Variants in ARHGEF17 observed in about 807,000 individuals in gnomAD.
The protein encoded by ARHGEF17 is Rho guanine nucleotide exchange factor 17.
ARHGEF17 carries 80 observed loss-of-function variants against 174.0 expected under a neutral mutation model. The observed-to-expected ratio is 0.46, with a 90% CI of 0.38 to 0.55. The LOEUF is 0.55. Ranked by LOEUF, ARHGEF17 falls within the 20% of genes least tolerant of loss-of-function variation. The pLI, the probability that ARHGEF17 is intolerant of heterozygous loss-of-function variation, is 0.00. For synonymous variants in ARHGEF17, 1,311 were observed against 1,189.1 expected, an observed-to-expected ratio of 1.10 and a Z score of -2.11; for missense variants, 2,886 against 2,839.7, an observed-to-expected ratio of 1.02 and a Z score of -0.37.
intron 1 of ARHGEF17, among the ~76,000 whole-genome samples, chr11:73,338,724 G>A (rs1225932101): frequency 1.3e-5 from 2 of 151,970 alleles, no homozygotes; most frequent in Non-Finnish European, 2.9e-5. Context: ...ACCAGGCCAG[G>A]GGAGGTGGAG....
At chr11:73,343,153 T>C (rs1279386098) in intron 1 of ARHGEF17, 3 of 383,602 alleles carry the variant, frequency 7.8e-6, no homozygotes, top group Non-Finnish European at 1.4e-5. Flanking sequence ...ATGCTGCAGA[T>C]GGTGAAGACC....
At chr11:73,313,361 C>A (rs575710661) in intron 1 of ARHGEF17, among the ~76,000 whole-genome samples, 1 of 152,284 alleles carries the variant, frequency 6.6e-6, no homozygotes, top group East Asian at 1.9e-4. Context: ...GGGGTCTCCT[C>A]CCCAGCCTCC....
At chr11:73,324,519 G>A (rs1199821325) in intron 1 of ARHGEF17, among the ~76,000 whole-genome samples, 1 of 152,206 alleles carries the variant, frequency 6.6e-6, no homozygotes, top group Non-Finnish European at 1.5e-5. Flanking sequence ...GTCCCGAGTC[G>A]GCACTGATTG....
At position 73,360,494 on chromosome 11, in the gene ARHGEF17, G is replaced by T; in HGVS notation, c.4381G>T (p.Gly1461Cys). 1 of 1,614,032 alleles carries T rather than the reference G, an allele frequency of 6.2e-7. No individual in the cohort carries two copies. The highest frequency in any genetic ancestry group is 8.5e-7 in the Non-Finnish European group (1 of 1,180,052). ...FEFPHPDARL[G>C]FEQAFDEAKR... is the part of the protein sequence containing the mutation. ...GTTCCCTCACCCTGACGCCCGCCTT[G>T]GTTTTGAACAGGCCTTCGATGAGGC... Residue 1461 changes from glycine to cysteine, a missense_variant, in exon 11 of 21, where the codon GGT becomes TGT. By Grantham distance (159) the Gly-to-Cys change is radical. Around this residue, in one of 4 missense-constraint regions of ARHGEF17, gnomAD observed 476 missense variants for 473.1 expected, o/e 1.01. Transcript: ENST00000263674.
At chr11:73,364,106 C>G (rs1335225067) in intron 16 of ARHGEF17, 66 bp from the exon 17 acceptor site, 23 of 1,523,478 alleles carry the variant, frequency 1.5e-5, no homozygotes, top group Non-Finnish European at 1.9e-5. Flanking sequence ...CTGTGGTTCC[C>G]CTGGTCCTGG....
chr11:73,367,732 T>C lies in ARHGEF17; in HGVS notation c.6144T>C (p.Thr2048=). ...GTGGGGGCGGCAGCAGCAGTGAGAC[T>C]GTGGGTCGAGACGACAGCACAAACC... ...LSSGGGSSSE[T]VGRDDSTNHL... The change falls in exon 21 of 21, where the codon ACT becomes ACC. Residue 2048 remains threonine, a synonymous_variant. Coordinates refer to ENST00000263674, the MANE Select transcript of ARHGEF17 (RefSeq NM_014786.4). 2 of 1,614,020 alleles carry C rather than the reference T, an allele frequency of 1.2e-6. No individual in the cohort carries two copies. The highest frequency in any genetic ancestry group is 1.3e-5 in the African/African-American group (1 of 75,044).
In ARHGEF17 at chr11:73,309,306, C is replaced by T. The variant is rs201578972; in HGVS notation, c.668C>T (p.Pro223Leu). ...CATTCTTGGCATATCTTCTCCCAAC[C>T]GCAGGCCGGGGCCCGGGCCTCCTGC... is the stretch of plus-strand genomic sequence containing the variant. ...GLHSWHIFSQ[P>L]QAGARASCSS... is the part of the protein sequence containing the mutation. Residue 223 changes from proline to leucine, a missense_variant, in exon 1 of 21, where the codon CCG (proline) becomes CTG (leucine). Transcript: ENST00000263674. The T allele has an allele frequency of 5.0e-6, 8 of 1,610,808 alleles. No homozygotes were observed. Among genetic ancestry groups the T allele is most frequent in the Middle Eastern group, 1.7e-4 (1 of 6,014 alleles).
intron 9 of ARHGEF17, among the ~76,000 whole-genome samples, chr11:73,358,744 G>A (rs1019802122): frequency 7.2e-5 from 11 of 151,790 alleles, no homozygotes; most frequent in Admixed American, 5.3e-4. Context: ...GATTACAGGC[G>A]TGAGCCAACA....
intron 2 of ARHGEF17, among the ~76,000 whole-genome samples, chr11:73,351,874 C>T (rs576029118): frequency 1.5e-4 from 23 of 152,262 alleles, no homozygotes; most frequent in African/African-American, 3.4e-4. Context: ...TGAGCCACCG[C>T]GCCCTGCCGC....
Position 73,308,407 on chromosome 11 carries a change from C to T in ARHGEF17, c.-232C>T. On this transcript the variant is annotated 5_prime_UTR_variant, in exon 1 of 21. Transcript: ENST00000263674. Reference sequence around the variant, plus strand: ...GCTCCAGCCGCGGCGGGGGCTGGGCCTGGGGGTCGGCGCTGAGGCGGGAGG... The same window carrying T: ...GCTCCAGCCGCGGCGGGGGCTGGGCTTGGGGGTCGGCGCTGAGGCGGGAGG... 1 of 406,846 alleles carries T rather than the reference C, an allele frequency of 2.5e-6. No individual in the cohort carries two copies. Among genetic ancestry groups the T allele is most frequent in the Non-Finnish European group, 4.3e-6 (1 of 232,456 alleles). The allele number at this position is 406,846 out of a possible 1,614,324, so 25.2% of individuals were successfully genotyped here. A position where few individuals can be genotyped will look rare whatever the true frequency, so the allele number is the denominator to read the frequency against.
rs533816424 is a variant in ARHGEF17 at position 73,346,445 on chromosome 11, A to G, written c.3193-438A>G. On this transcript the variant is annotated intron_variant, in intron 1 of 20. Transcript: ENST00000263674. The stretch of plus-strand genomic sequence containing the variant: ...CTTAGGGATGGTGGGCAGCCCAGCC[A>G]GGTGGGCATGTCCCCATAGCACTGA... 9.5e-4 allele frequency among the ~76,000 whole-genome samples: 145 copies of G among 152,358 alleles called. 2 individuals carry two copies. Among genetic ancestry groups the G allele is most frequent in the African/African-American group, 3.4e-3 (140 of 41,582 alleles).
chr11:73,330,270 G>A (rs1283383390), intron 1 of ARHGEF17, among the ~76,000 whole-genome samples: 1 of 152,140 alleles, frequency 6.6e-6, no homozygotes, highest in Non-Finnish European at 1.5e-5. Context: ...TTGTTGTTAT[G>A]TGTTCTACTT....
chr11:73,338,498 C>G (rs563172604), intron 1 of ARHGEF17, among the ~76,000 whole-genome samples: 2 of 152,102 alleles, frequency 1.3e-5, no homozygotes, highest in Non-Finnish European at 2.9e-5. Flanking sequence ...TTGGTGGGGT[C>G]AGGAGCATCA....
At chr11:73,323,859 C>T (rs1397549770) in intron 1 of ARHGEF17, among the ~76,000 whole-genome samples, 2 of 152,244 alleles carry the variant, frequency 1.3e-5, no homozygotes, top group Admixed American at 6.5e-5. Flanking sequence ...TGGAGGGTCT[C>T]TGCTGGTCCC....
chr11:73,355,598 T>C lies in ARHGEF17; in HGVS notation c.3519T>C (p.Asp1173=), dbSNP rs1285644443. Reference sequence around the variant, plus strand: ...TCGATAACTTCCTCAATGCAAAGGATGCTGTGCGTGTGGCCAAGGAGGCGA... The same window carrying C: ...TCGATAACTTCCTCAATGCAAAGGACGCTGTGCGTGTGGCCAAGGAGGCGA... ...AYIDNFLNAK[D]AVRVAKEARP... Residue 1173 remains aspartate (D), a synonymous_variant, in exon 4 of 21, where the codon GAT becomes GAC. Transcript: ENST00000263674. 6 of 1,614,200 alleles carry C rather than the reference T, an allele frequency of 3.7e-6. No individual in the cohort carries two copies. Among genetic ancestry groups the C allele is most frequent in the Non-Finnish European group, 2.5e-6 (3 of 1,180,012 alleles).
rs202171609 is a variant in ARHGEF17 at position 73,367,810 on chromosome 11, G to A, written c.*30G>A. 1,419 of 1,580,056 alleles carry A rather than the reference G, an allele frequency of 9.0e-4. 1 individual carries two copies. The highest frequency in any genetic ancestry group is 1.2e-3 in the Non-Finnish European group (1,367 of 1,157,486). ...GTCTGCCGTGGCCCAGGACTCGCCC[G>A]CCCACCTGCCTTCAGCCTGCTTGCC... On this transcript the variant is annotated 3_prime_UTR_variant, in exon 21 of 21. Coordinates refer to ENST00000263674, the MANE Select transcript of ARHGEF17 (RefSeq NM_014786.4).
Position 73,310,690 on chromosome 11 carries a change from G to A in ARHGEF17, c.2052G>A (p.Gly684=). The A allele has an allele frequency of 6.2e-7, 1 of 1,613,780 alleles. No individual in the cohort carries two copies. Among genetic ancestry groups the A allele is most frequent in the South Asian group, 1.1e-5 (1 of 91,080 alleles). ...SSAQTNHHGP[G]TEDSLGGWAL... ...CCCAGACGAACCACCATGGCCCTGG[G>A]ACTGAGGACAGTCTGGGCGGGTGGG... The change falls in exon 1 of 21, where the codon GGG becomes GGA. Residue 684 remains glycine, a synonymous_variant. Transcript: ENST00000263674.
intron 1 of ARHGEF17, among the ~76,000 whole-genome samples, chr11:73,315,558 G>C (rs1864914869): frequency 6.6e-6 from 1 of 152,182 alleles, no homozygotes; most frequent in African/African-American, 2.4e-5. Flanking sequence ...CATGGAAACT[G>C]GTTCTGGGGG....
chr11:73,355,808 C>T (rs1865627877), intron 4 of ARHGEF17, 53 bp from the exon 5 acceptor site: 1 of 1,607,784 alleles, frequency 6.2e-7, no homozygotes, highest in Non-Finnish European at 8.5e-7. Context: ...TGTCCCTGGA[C>T]ATAGTCTTCC....
Sources: allele counts gnomAD v4.1 joint callset (sites outside exome capture counted in the v4.1 genomes callset), GRCh38; gene constraint gnomAD v4.1.1; regional missense constraint gnomAD v4.1.1; transcripts MANE v1.5; gene names NCBI Gene and HGNC (gene_info 2026-07-23, HGNC 2026-07-21).